CAMTA1: variants seen among roughly 807,000 people sequenced by gnomAD.
The protein encoded by CAMTA1 is calmodulin-binding transcription activator 1.
CAMTA1 carries 27 observed loss-of-function variants against 170.9 expected under a neutral mutation model. That is an observed-to-expected ratio of 0.16 (90% CI 0.12 to 0.22). The LOEUF is 0.22. Among genes scored for constraint, CAMTA1 ranks in the 10% least tolerant of loss-of-function variants. The pLI is 1.00. For synonymous variants in CAMTA1, 833 were observed against 891.5 expected, an observed-to-expected ratio of 0.93 and a Z score of 1.17; for missense variants, 1,619 against 2,217.2, an observed-to-expected ratio of 0.73 and a Z score of 5.42.
chr1:7,392,308 C>A (rs2105347), intron 5 of CAMTA1, among the ~76,000 whole-genome samples: 51 of 145,498 alleles, frequency 3.5e-4, no homozygotes, highest in African/African-American at 1.3e-3. Flanking sequence ...CAGGCTGGAA[C>A]GCAATGGTGC....
chr1:6,922,233 A>G (rs1198671792), intron 3 of CAMTA1, among the ~76,000 whole-genome samples: 2 of 152,144 alleles, frequency 1.3e-5, no homozygotes, highest in Admixed American at 6.5e-5. Context: ...GTTTCAGATG[A>G]GCAAAAGCAG....
chr1:7,346,445 C>T (rs2084225837), intron 5 of CAMTA1, among the ~76,000 whole-genome samples: 1 of 152,076 alleles, frequency 6.6e-6, no homozygotes, highest in Admixed American at 6.5e-5. Context: ...AAGAAAAGGC[C>T]CAGAATTAGC....
intron 6 of CAMTA1, among the ~76,000 whole-genome samples, chr1:7,613,427 C>G (rs2095537021): frequency 6.6e-6 from 1 of 152,056 alleles, no homozygotes; most frequent in Non-Finnish European, 1.5e-5. Context: ...TGGGTGGTCC[C>G]CCAGGCCGTA....
intron 11 of CAMTA1, among the ~76,000 whole-genome samples, chr1:7,687,963 C>T (rs1337135898): frequency 6.6e-6 from 1 of 151,088 alleles, no homozygotes; most frequent in Non-Finnish European, 1.5e-5. Flanking sequence ...CCTGCTCAGG[C>T]AATTACGCCC....
chr1:7,714,664 G>C (rs1430926027), intron 11 of CAMTA1, among the ~76,000 whole-genome samples: 1 of 152,054 alleles, frequency 6.6e-6, no homozygotes, highest in Admixed American at 6.6e-5. Flanking sequence ...TGGGACTCCA[G>C]GTGCGTGTCA....
At chr1:6,786,125 C>G (rs1290745985) in intron 1 of CAMTA1, among the ~76,000 whole-genome samples, 2 of 151,884 alleles carry the variant, frequency 1.3e-5, no homozygotes, top group Non-Finnish European at 2.9e-5. Context: ...GTACTCTCTC[C>G]GGCACCCTCT....
At chr1:6,876,777 G>T (rs866733965) in intron 3 of CAMTA1, among the ~76,000 whole-genome samples, 29 of 152,160 alleles carry the variant, frequency 1.9e-4, no homozygotes, top group African/African-American at 6.5e-4. Flanking sequence ...TAACTTAGGT[G>T]GTTTATCTTG....
At chr1:7,053,284 C>A (rs1706738767) in intron 3 of CAMTA1, among the ~76,000 whole-genome samples, 1 of 152,212 alleles carries the variant, frequency 6.6e-6, no homozygotes, top group African/African-American at 2.4e-5. Flanking sequence ...CGACTCACTT[C>A]CCTCCAGTTC....
At chr1:7,498,636 G>A (rs1264186055) in intron 6 of CAMTA1, among the ~76,000 whole-genome samples, 2 of 151,354 alleles carry the variant, frequency 1.3e-5, no homozygotes, top group Admixed American at 6.6e-5. Flanking sequence ...GTATGAGTGT[G>A]CATGCATGTG....
At chr1:6,847,869 ATT>A (rs70984025) in intron 3 of CAMTA1, among the ~76,000 whole-genome samples, 4 of 139,334 alleles carry the variant, frequency 2.9e-5, no homozygotes, top group Non-Finnish European at 4.6e-5. Flanking sequence ...CACCCAGCTA[ATT>A]TTTTTTTTTT....
rs1452263684 is a variant in CAMTA1, at chr1:7,641,900, A to G, written c.664+1347A>G. Among the ~76,000 whole-genome samples the G allele has an allele frequency of 2.0e-5, 3 of 152,156 alleles. No individual in the cohort carries two copies. The highest frequency in any genetic ancestry group is 1.9e-4 in the East Asian group (1 of 5,170). ...CTCTGCTTAAAACCACTCAATGCCC[A>G]TTCAATGCACGCTCAATGCCCAAGC... On this transcript the variant is annotated intron_variant, in intron 7 of 22. Transcript: ENST00000303635. This position sits in a 1 kb window ranked among gnomAD's most constrained non-coding sequence, Gnocchi z 4.5.
At chr1:6,807,569 A>G (rs754957358) in intron 1 of CAMTA1, among the ~76,000 whole-genome samples, 7 of 152,038 alleles carry the variant, frequency 4.6e-5, no homozygotes, top group East Asian at 1.9e-4. Context: ...AAATACAAAA[A>G]ATTAGCTGAG....
chr1:7,719,981 A>G (rs2096638534), intron 11 of CAMTA1, among the ~76,000 whole-genome samples: 1 of 152,392 alleles, frequency 6.6e-6, no homozygotes, highest in South Asian at 2.1e-4. Context: ...GTGTTTTAAA[A>G]TAGCAGATGG....
chr1:7,540,247 G>A (rs1011575708), intron 6 of CAMTA1, among the ~76,000 whole-genome samples: 2 of 152,172 alleles, frequency 1.3e-5, no homozygotes, highest in African/African-American at 4.8e-5. Context: ...ATGGATGGAT[G>A]GATGGGTGGA....
intron 3 of CAMTA1, among the ~76,000 whole-genome samples, chr1:6,880,244 T>G (rs1671127516): frequency 6.6e-6 from 1 of 150,794 alleles, no homozygotes; most frequent in Non-Finnish European, 1.5e-5. Flanking sequence ...CAGCTAACTT[T>G]TTTGTTTTTC....
At chr1:6,982,904 C>T (rs1694686517) in intron 3 of CAMTA1, among the ~76,000 whole-genome samples, 1 of 152,120 alleles carries the variant, frequency 6.6e-6, no homozygotes, top group African/African-American at 2.4e-5. Flanking sequence ...GACAATTGGG[C>T]CTGGTTTGTG....
intron 3 of CAMTA1, among the ~76,000 whole-genome samples, chr1:7,068,051 C>G (rs982747021): frequency 6.6e-6 from 1 of 152,194 alleles, no homozygotes; most frequent in African/African-American, 2.4e-5. Context: ...GAGAAGGAAC[C>G]CAGCTGACAT....
chr1:7,046,466 T>A (rs1705396690), intron 3 of CAMTA1, among the ~76,000 whole-genome samples: 1 of 152,182 alleles, frequency 6.6e-6, no homozygotes, highest in African/African-American at 2.4e-5. Flanking sequence ...TGGCTGAAAT[T>A]GGCAGGGCTC....
chr1:6,915,545 AAGAAGGTGGG>A (rs1294789742), intron 3 of CAMTA1, among the ~76,000 whole-genome samples: 1 of 152,206 alleles, frequency 6.6e-6, no homozygotes, highest in African/African-American at 2.4e-5. Context: ...CAAGGTGTTC[AAGAAGGTGGG>A]AGCAGTGCAG....
Sources: allele counts gnomAD v4.1 joint callset (sites outside exome capture counted in the v4.1 genomes callset), GRCh38; gene constraint gnomAD v4.1.1; non-coding constraint Gnocchi (gnomAD v3.1); transcripts MANE v1.5; gene names NCBI Gene and HGNC (gene_info 2026-07-23, HGNC 2026-07-21).